FAR1: variants seen among roughly 807,000 people sequenced by gnomAD.
The protein encoded by FAR1 is male sterility domain-containing protein 2.
In FAR1, 22 loss-of-function variants were observed where a neutral mutation model predicts 61.1. The observed-to-expected ratio is 0.36, with a 90% CI of 0.26 to 0.51. The LOEUF is 0.51. Among genes scored for constraint, FAR1 ranks in the 20% least tolerant of loss-of-function variants. The pLI is 0.95. For missense variants in FAR1, 359 were observed against 626.9 expected, an observed-to-expected ratio of 0.57 and a Z score of 4.56; for synonymous variants, 206 against 209.7, an observed-to-expected ratio of 0.98 and a Z score of 0.15.
At chr11:13,711,889 C>T in intron 6 of FAR1, 39 bp from the exon 7 acceptor site, 1 of 1,551,112 alleles carries the variant, frequency 6.4e-7, no homozygotes, top group Non-Finnish European at 8.9e-7. Flanking sequence ...TACACTATGG[C>T]TTATATATCT....
At chr11:13,682,869 C>G (rs896724871) in intron 1 of FAR1, among the ~76,000 whole-genome samples, 2 of 152,144 alleles carry the variant, frequency 1.3e-5, no homozygotes, top group Non-Finnish European at 2.9e-5. Context: ...ACCTTGGCCT[C>G]TCACAGTGCC....
intron 10 of FAR1, among the ~76,000 whole-genome samples, chr11:13,724,603 A>G (rs887343095): frequency 1.3e-5 from 2 of 150,134 alleles, no homozygotes; most frequent in African/African-American, 2.4e-5. Context: ...GTTTCTCAAG[A>G]GTTTCTTTTT....
intron 10 of FAR1, among the ~76,000 whole-genome samples, chr11:13,725,266 G>C (rs886375384): frequency 1.3e-5 from 2 of 152,106 alleles, no homozygotes; most frequent in Non-Finnish European, 2.9e-5. Flanking sequence ...CAAAGTGGTT[G>C]TATCAGTTTA....
chr11:13,672,899 C>A (rs923083833), intron 1 of FAR1, among the ~76,000 whole-genome samples: 1 of 152,154 alleles, frequency 6.6e-6, no homozygotes, highest in Non-Finnish European at 1.5e-5. Flanking sequence ...TTTAAAAAAA[C>A]CCAACAAACC....
At chr11:13,689,080 A>G (rs571788870) in intron 1 of FAR1, among the ~76,000 whole-genome samples, 2 of 152,352 alleles carry the variant, frequency 1.3e-5, no homozygotes, top group South Asian at 2.1e-4. Flanking sequence ...AAATCAATCA[A>G]AATTAAGTTG....
In FAR1 at chr11:13,709,974, G is replaced by A. The variant is rs186886496; in HGVS notation, c.546-719G>A. Among the ~76,000 whole-genome samples, 220 of 152,208 alleles carry A rather than the reference G, an allele frequency of 1.4e-3. 1 individual carries two copies. The highest frequency in any genetic ancestry group is 5.1e-3 in the African/African-American group (212 of 41,570). ...CGCCCTCCTTTTACAGATGAACAGA[G>A]TAGACCATTTCTTCAAAGAGAACTG... On this transcript the variant is annotated intron_variant, in intron 4 of 11. Transcript: ENST00000354817.
intron 1 of FAR1, among the ~76,000 whole-genome samples, chr11:13,677,846 C>G (rs1848084820): frequency 1.3e-5 from 2 of 152,176 alleles, no homozygotes; most frequent in African/African-American, 2.4e-5. Flanking sequence ...AAAAAATATG[C>G]TTGTCATAAA....
chr11:13,713,669 C>T (rs1848525324), intron 8 of FAR1, among the ~76,000 whole-genome samples: 1 of 151,928 alleles, frequency 6.6e-6, no homozygotes, highest in Admixed American at 6.6e-5. Context: ...AGTGATAGGT[C>T]TTATTTAACC....
rs1848703149 is a variant in FAR1, at chr11:13,729,657, T to G, written c.*883T>G. The G allele has an allele frequency of 6.6e-6, 1 of 152,000 alleles. No individual in the cohort carries two copies. The allele number at this position is 152,000 out of a possible 1,614,324, so 9.4% of individuals were successfully genotyped here. On this transcript the variant is annotated 3_prime_UTR_variant, in exon 12 of 12. Coordinates refer to ENST00000354817, the MANE Select transcript of FAR1 (RefSeq NM_032228.6). ...TTGGGAAGGATTCACCATACTTGTG[T>G]TCTCCTCCCTTTATAAATTTTATTC...
chr11:13,686,991 A>T (rs1190930378), intron 1 of FAR1, among the ~76,000 whole-genome samples: 1 of 152,238 alleles, frequency 6.6e-6, no homozygotes, highest in Non-Finnish European at 1.5e-5. Context: ...TCAGAGTAGT[A>T]GCTTTATCTT....
At chr11:13,690,021 G>A (rs909298447) in intron 1 of FAR1, among the ~76,000 whole-genome samples, 27 of 151,904 alleles carry the variant, frequency 1.8e-4, no homozygotes, top group African/African-American at 5.6e-4. Flanking sequence ...GATTAAAGGC[G>A]TGTGCCACCA....
intron 1 of FAR1, among the ~76,000 whole-genome samples, chr11:13,676,198 A>C (rs746667279): frequency 6.6e-5 from 10 of 152,186 alleles, no homozygotes; most frequent in Non-Finnish European, 1.3e-4. Flanking sequence ...CAAATGCCTA[A>C]TTAAAAAATT....
intron 1 of FAR1, among the ~76,000 whole-genome samples, chr11:13,683,878 G>A (rs890528345): frequency 1.3e-5 from 2 of 152,204 alleles, no homozygotes; most frequent in Admixed American, 1.3e-4. Flanking sequence ...AAATAAATGT[G>A]TAGCAGCTAA....
intron 1 of FAR1, among the ~76,000 whole-genome samples, chr11:13,680,560 G>A (rs758760806): frequency 1.1e-4 from 17 of 152,188 alleles, no homozygotes; most frequent in Non-Finnish European, 1.9e-4. Context: ...AGGGCCTCAG[G>A]AGGCTTCCAC....
chr11:13,726,604 C>T (rs984038491), intron 10 of FAR1, among the ~76,000 whole-genome samples: 16 of 150,824 alleles, frequency 1.1e-4, no homozygotes, highest in Non-Finnish European at 2.1e-4. Flanking sequence ...TCTCATATGC[C>T]TAGATGTGTG....
intron 1 of FAR1, among the ~76,000 whole-genome samples, chr11:13,694,293 T>C (rs1848286157): frequency 1.3e-5 from 2 of 152,136 alleles, no homozygotes; most frequent in Admixed American, 1.3e-4. Flanking sequence ...TTGTTTCAAT[T>C]GGTGTTGATA....
chr11:13,682,022 C>A (rs1278548547), intron 1 of FAR1, among the ~76,000 whole-genome samples: 1 of 152,146 alleles, frequency 6.6e-6, no homozygotes, highest in Non-Finnish European at 1.5e-5. Context: ...ACAACCCAAG[C>A]CTCATCCCTG....
At chr11:13,710,988 A>G (rs1409602797) in intron 5 of FAR1, 118 bp downstream of exon 5, 4 of 839,490 alleles carry the variant, frequency 4.8e-6, no homozygotes, top group Admixed American at 3.3e-5. Flanking sequence ...GTGAATTACC[A>G]TGGCAAAGCT....
intron 9 of FAR1, chr11:13,719,975 G>T (rs1455314154): frequency 6.6e-6 from 1 of 152,146 alleles, no homozygotes; most frequent in African/African-American, 2.4e-5. Context: ...CTGTTCTAAG[G>T]TATGTTTAAC....
Sources: allele counts gnomAD v4.1 joint callset (sites outside exome capture counted in the v4.1 genomes callset), GRCh38; gene constraint gnomAD v4.1.1; transcripts MANE v1.5; gene names NCBI Gene and HGNC (gene_info 2026-07-23, HGNC 2026-07-21).